Variants in ANO2 observed in about 807,000 individuals in gnomAD.
ANO2 encodes the protein anoctamin 2, also known as anoctamin-2.
Under a neutral mutation model 124.2 loss-of-function variants are expected in ANO2, and 101 were observed. The ratio of observed to expected loss-of-function variants is 0.81; its 90% CI spans 0.69 to 0.96. The LOEUF (loss-of-function observed/expected upper bound fraction) is 0.96, where lower values mean the gene tolerates loss of function less well. ANO2 is among the 40% of genes least tolerant of loss of function. The pLI is 0.00. For missense variants in ANO2, 1,293 were observed against 1,274.5 expected, an observed-to-expected ratio of 1.01 and a Z score of -0.22; for synonymous variants, 486 against 482.5, an observed-to-expected ratio of 1.01 and a Z score of -0.09.
chr12:5,855,526 C>T (rs893572231), intron 3 of ANO2, among the ~76,000 whole-genome samples: 2 of 152,280 alleles, frequency 1.3e-5, no homozygotes, highest in East Asian at 1.9e-4. Context: ...GAATAAACCA[C>T]GATTTCAAAA....
chr12:5,652,231 T>C (rs1946947362), intron 14 of ANO2, among the ~76,000 whole-genome samples: 1 of 152,198 alleles, frequency 6.6e-6, no homozygotes, highest in Non-Finnish European at 1.5e-5. Flanking sequence ...GATATGGTAT[T>C]TCCTTCCTCT....
At chr12:5,599,356 C>T in intron 20 of ANO2, 128 bp downstream of exon 20, 1 of 1,145,450 alleles carries the variant, frequency 8.7e-7, no homozygotes, top group Non-Finnish European at 1.2e-6. Context: ...CACTGAATAG[C>T]CATGAAGCTC....
chr12:5,753,184 C>T lies in ANO2; in HGVS notation c.1056-2214G>A, dbSNP rs552224899. 2.6e-5 allele frequency among the ~76,000 whole-genome samples: 4 copies of T among 152,204 alleles called. No homozygotes were observed. The South Asian group carries it at 6.2e-4, about 24-fold the overall frequency. On this transcript the variant is annotated intron_variant, in intron 10 of 24. Transcript: ENST00000682330. Reference sequence around the variant, plus strand: ...TGAATTTAAGGGTTTCAATATTCATCGGTGCCTTTCTCCAAAGATGAATTT... The same window carrying T: ...TGAATTTAAGGGTTTCAATATTCATTGGTGCCTTTCTCCAAAGATGAATTT...
intron 24 of ANO2, 112 bp from the exon 25 acceptor site, chr12:5,563,680 C>T (rs1941582827): frequency 7.4e-7 from 1 of 1,360,120 alleles, no homozygotes; most frequent in South Asian, 1.3e-5. Context: ...CTTACCAGCC[C>T]AGTGATCGCA....
rs1481363578 is a variant in ANO2 at position 5,630,589 on chromosome 12, T to C, written c.1816+4563A>G. The stretch of plus-strand genomic sequence containing the variant: ...AAATAAGGAATACATAAATGCTCAC[T>C]GTAGCCTCTACTGTGACTTAAAAGA... On this transcript the variant is annotated intron_variant, in intron 16 of 24. Transcript: ENST00000682330. Among the ~76,000 whole-genome samples the C allele has an allele frequency of 3.9e-5, 6 of 152,258 alleles. No homozygotes were observed. The East Asian group carries it at 1.2e-3, about 29-fold the overall frequency.
At chr12:5,730,026 G>A (rs553527136) in intron 14 of ANO2, among the ~76,000 whole-genome samples, 1 of 152,194 alleles carries the variant, frequency 6.6e-6, no homozygotes, top group South Asian at 2.1e-4. Flanking sequence ...TTCTTTTTCG[G>A]ATAATAAAAA....
intron 4 of ANO2, among the ~76,000 whole-genome samples, chr12:5,840,607 TA>T (rs1280213314): frequency 6.6e-6 from 1 of 152,106 alleles, no homozygotes; most frequent in Non-Finnish European, 1.5e-5. Context: ...TCTAACAGTA[TA>T]AGATAAAAAC....
chr12:5,867,800 A>AAAAT (rs1955470321), intron 3 of ANO2, among the ~76,000 whole-genome samples: 1 of 148,788 alleles, frequency 6.7e-6, no homozygotes, highest in Non-Finnish European at 1.5e-5. Context: ...AAAAAAAAAA[A>AAAAT]CCAGTGGATT....
intron 3 of ANO2, among the ~76,000 whole-genome samples, chr12:5,905,109 T>C (rs1940582073): frequency 6.6e-6 from 1 of 152,112 alleles, no homozygotes; most frequent in Non-Finnish European, 1.5e-5. Context: ...GGCTCAGGGT[T>C]TGAATCCCTC....
intron 15 of ANO2, among the ~76,000 whole-genome samples, chr12:5,638,219 C>T (rs922887709): frequency 6.9e-6 from 1 of 143,896 alleles, no homozygotes; most frequent in Non-Finnish European, 1.5e-5. Flanking sequence ...CATATCTTCA[C>T]TAGCACTGTT....
At chr12:5,922,589 T>TTGGCCC in intron 2 of ANO2, 31 bp downstream of exon 2, 1 of 1,449,812 alleles carries the variant, frequency 6.9e-7, no homozygotes, top group African/African-American at 1.5e-5. Context: ...GGCTGGCCTA[T>TTGGCCC]CCCCCCACCC....
intron 10 of ANO2, among the ~76,000 whole-genome samples, chr12:5,794,819 C>A (rs565801980): frequency 6.6e-6 from 1 of 152,294 alleles, no homozygotes; most frequent in Non-Finnish European, 1.5e-5. Context: ...TTGTGTCGAG[C>A]TGAATTGCCT....
chr12:5,726,989 C>T (rs141195336), intron 14 of ANO2, among the ~76,000 whole-genome samples: 1,688 of 152,288 alleles, frequency 0.011, 28 homozygotes, highest in Admixed American at 0.04. Context: ...ATATGGTTAT[C>T]ACCTCATTAC....
At chr12:5,615,103 C>T in intron 17 of ANO2, 83 bp downstream of exon 17, 1 of 1,079,544 alleles carries the variant, frequency 9.3e-7, no homozygotes, top group Non-Finnish European at 1.4e-6. Flanking sequence ...ACAATGGGGA[C>T]AGGCTGACCC....
intron 20 of ANO2, among the ~76,000 whole-genome samples, chr12:5,595,875 AC>A (rs754048788): frequency 6.6e-6 from 1 of 152,224 alleles, no homozygotes; most frequent in Non-Finnish European, 1.5e-5. Flanking sequence ...AGCTTCCTAT[AC>A]ACTGATAATT....
intron 14 of ANO2, among the ~76,000 whole-genome samples, chr12:5,710,842 T>C (rs1949785318): frequency 6.6e-6 from 1 of 152,118 alleles, no homozygotes; most frequent in Non-Finnish European, 1.5e-5. Flanking sequence ...AGTATGAATG[T>C]TTGTCTCCTC....
intron 15 of ANO2, among the ~76,000 whole-genome samples, chr12:5,647,419 G>C (rs1355554976): frequency 6.6e-6 from 1 of 152,190 alleles, no homozygotes; most frequent in Non-Finnish European, 1.5e-5. Context: ...AAACGTCAGA[G>C]AGGGCCACCC....
intron 7 of ANO2, among the ~76,000 whole-genome samples, chr12:5,808,452 T>C (rs1953274558): frequency 6.6e-6 from 1 of 152,070 alleles, no homozygotes; most frequent in East Asian, 1.9e-4. Context: ...GGCTTCCAGA[T>C]GGGAGGGATT....
chr12:5,739,117 A>C (rs1375275380), intron 13 of ANO2, 200 bp downstream of exon 13: 2 of 687,800 alleles, frequency 2.9e-6, no homozygotes, highest in Non-Finnish European at 5.3e-6. Context: ...TCAAGGGAAG[A>C]GGGGGTACTT....
Sources: gnomAD v4.1 joint callset for allele counts (sites outside exome capture counted in the v4.1 genomes callset) on GRCh38, gnomAD v4.1.1 for gene constraint, MANE v1.5 for transcripts, NCBI Gene and HGNC (gene_info 2026-07-23, HGNC 2026-07-21) for gene names.